MACROD2: variants seen among roughly 807,000 people sequenced by gnomAD.
MACROD2 encodes mono-ADP ribosylhydrolase 2.
In MACROD2, 36 loss-of-function variants were observed where a neutral mutation model predicts 70.4. The observed-to-expected ratio is 0.51, with a 90% CI of 0.39 to 0.68. The LOEUF (loss-of-function observed/expected upper bound fraction) is 0.68, where lower values mean the gene tolerates loss of function less well. Among genes scored for constraint, MACROD2 ranks in the 30% least tolerant of loss-of-function variants. The pLI is 0.00. For synonymous variants in MACROD2, 172 were observed against 178.8 expected, an observed-to-expected ratio of 0.96 and a Z score of 0.30; for missense variants, 496 against 538.4, an observed-to-expected ratio of 0.92 and a Z score of 0.78.
chr20:16,022,744 G>A (rs146560827), intron 15 of MACROD2, among the ~76,000 whole-genome samples: 72 of 152,302 alleles, frequency 4.7e-4, no homozygotes, highest in African/African-American at 1.6e-3. Flanking sequence ...TGAAACACAC[G>A]TAGCTTTTCA....
At chr20:14,763,013 A>G (rs2072038021) in intron 5 of MACROD2, among the ~76,000 whole-genome samples, 1 of 152,114 alleles carries the variant, frequency 6.6e-6, no homozygotes, top group East Asian at 1.9e-4. Context: ...TGCAGTTACC[A>G]TCGAGAGCAG....
chr20:15,431,044 A>G (rs765804381), intron 6 of MACROD2, among the ~76,000 whole-genome samples: 1 of 152,028 alleles, frequency 6.6e-6, no homozygotes, highest in Non-Finnish European at 1.5e-5. Flanking sequence ...CATAGGTAAT[A>G]GTCAAATGTG....
intron 5 of MACROD2, among the ~76,000 whole-genome samples, chr20:14,771,197 A>G (rs947264046): frequency 4.6e-5 from 7 of 152,040 alleles, no homozygotes; most frequent in Non-Finnish European, 7.4e-5. Flanking sequence ...CTGGTACTAG[A>G]CTTATATCAT....
intron 4 of MACROD2, among the ~76,000 whole-genome samples, chr20:14,600,303 T>A (rs1982396507): frequency 6.8e-6 from 1 of 146,556 alleles, no homozygotes; most frequent in Non-Finnish European, 1.5e-5. Context: ...ATTGCTTTGG[T>A]AAAAAGTATG....
At chr20:15,784,881 G>A (rs1344770065) in intron 8 of MACROD2, among the ~76,000 whole-genome samples, 2 of 152,002 alleles carry the variant, frequency 1.3e-5, no homozygotes, top group African/African-American at 2.4e-5. Flanking sequence ...GGGTGCGGTG[G>A]CTCATGCCTG....
In MACROD2 at chr20:14,935,772, CA is replaced by C. The variant is rs796241753; in HGVS notation, c.418+250818del. On this transcript the variant is annotated intron_variant, in intron 5 of 17. Transcript: ENST00000684519. ...GTTAAATCCTTCCAGTCTTCTAGTG[CA>C]AAAATGTTCTAAGACTCCTAGATTT... 5.3e-4 allele frequency among the ~76,000 whole-genome samples: 80 copies of C among 152,226 alleles called. 1 individual carries two copies. Among genetic ancestry groups the C allele is most frequent in the African/African-American group, 1.6e-3 (65 of 41,544 alleles).
intron 3 of MACROD2, among the ~76,000 whole-genome samples, chr20:14,348,268 C>CA (rs545110146): frequency 0.39 from 28,552 of 73,762 alleles, 3,320 homozygotes; most frequent in South Asian, 0.47. Context: ...GACTCCGTCT[C>CA]AAAAAAAAAA....
rs536032942 is a variant in MACROD2 at position 14,240,289 on chromosome 20, A to C, written c.271+154561A>C. Among the ~76,000 whole-genome samples the C allele has an allele frequency of 3.9e-5, 6 of 152,346 alleles. No individual in the cohort carries two copies. In the South Asian group the frequency reaches 1.0e-3, roughly 26 times the overall value. On this transcript the variant is annotated intron_variant, in intron 3 of 17. Coordinates refer to ENST00000684519, the MANE Select transcript of MACROD2 (RefSeq NM_001351661.2). Reference sequence around the variant, plus strand: ...GTGAAAAGCAGTTTAATGATTTCCAAAATAACTTAAAACAGAACTATGATT... The same window carrying C: ...GTGAAAAGCAGTTTAATGATTTCCACAATAACTTAAAACAGAACTATGATT...
At chr20:15,171,803 A>T (rs962740243) in intron 5 of MACROD2, among the ~76,000 whole-genome samples, 2 of 152,116 alleles carry the variant, frequency 1.3e-5, no homozygotes, top group African/African-American at 2.4e-5. Context: ...CCACAACTTA[A>T]ATGATGTAGT....
intron 5 of MACROD2, among the ~76,000 whole-genome samples, chr20:15,077,050 C>T (rs950296091): frequency 3.3e-5 from 5 of 152,000 alleles, no homozygotes; most frequent in African/African-American, 1.2e-4. Context: ...TGGCAGTTAG[C>T]CAGAATAGGG....
At chr20:15,648,552 A>C (rs903684615) in intron 8 of MACROD2, among the ~76,000 whole-genome samples, 2 of 152,224 alleles carry the variant, frequency 1.3e-5, no homozygotes, top group Non-Finnish European at 2.9e-5. Context: ...CATCTGAGAA[A>C]TTCTGAAATC....
chr20:15,650,182 A>G (rs1252092774), intron 8 of MACROD2, among the ~76,000 whole-genome samples: 2 of 152,182 alleles, frequency 1.3e-5, no homozygotes, highest in African/African-American at 4.8e-5. Flanking sequence ...ATGTGTAGGA[A>G]ATCTGGCTGG....
chr20:15,142,956 C>T (rs951338839), intron 5 of MACROD2, among the ~76,000 whole-genome samples: 1 of 152,050 alleles, frequency 6.6e-6, no homozygotes, highest in Non-Finnish European at 1.5e-5. Flanking sequence ...ATTGTGAATA[C>T]TGCTGCAATA....
intron 5 of MACROD2, among the ~76,000 whole-genome samples, chr20:15,090,506 T>C (rs114152659): frequency 1.6e-3 from 245 of 152,272 alleles, no homozygotes; most frequent in African/African-American, 5.7e-3. Flanking sequence ...GCAATTGGCC[T>C]ATTTATGAGC....
At chr20:15,281,461 G>T (rs959730596) in intron 6 of MACROD2, among the ~76,000 whole-genome samples, 1 of 152,120 alleles carries the variant, frequency 6.6e-6, no homozygotes, top group African/African-American at 2.4e-5. Flanking sequence ...ACAGGCATTG[G>T]ATAAATGCAC....
chr20:14,382,675 GAT>G (rs147476485), intron 3 of MACROD2, among the ~76,000 whole-genome samples: 41,494 of 150,948 alleles, frequency 0.27, 6,653 homozygotes, highest in South Asian at 0.56. Flanking sequence ...TCTCAAAAAA[GAT>G]ATAAATAAAT....
intron 5 of MACROD2, among the ~76,000 whole-genome samples, chr20:15,190,101 A>G (rs1356482400): frequency 1.3e-5 from 2 of 152,198 alleles, no homozygotes; most frequent in East Asian, 1.9e-4. Flanking sequence ...TATTTAACAT[A>G]TAACTATAAT....
At chr20:14,879,356 G>A (rs2073586007) in intron 5 of MACROD2, among the ~76,000 whole-genome samples, 1 of 152,138 alleles carries the variant, frequency 6.6e-6, no homozygotes. Flanking sequence ...AAGTTAGCAT[G>A]AATTTGACCT....
chr20:15,619,438 G>A (rs184501891), intron 8 of MACROD2: 3 of 248,898 alleles, frequency 1.2e-5, no homozygotes. Context: ...TTCAGACCCA[G>A]AGGATCAGCA....
Sources: allele counts gnomAD v4.1 joint callset (sites outside exome capture counted in the v4.1 genomes callset), GRCh38; gene constraint gnomAD v4.1.1; transcripts MANE v1.5; gene names NCBI Gene and HGNC (gene_info 2026-07-23, HGNC 2026-07-21).